ZFHX3: variants seen among roughly 807,000 people sequenced by gnomAD.
The protein encoded by ZFHX3 is zinc finger homeobox 3.
ZFHX3 carries 42 observed loss-of-function variants against 279.1 expected under a neutral mutation model. The ratio of observed to expected loss-of-function variants is 0.15; its 90% CI spans 0.12 to 0.19. The LOEUF (loss-of-function observed/expected upper bound fraction) is 0.19. Ranked by LOEUF, ZFHX3 falls within the 10% of genes least tolerant of loss-of-function variation. ZFHX3 has a pLI of 1.00. For synonymous variants in ZFHX3, 2,293 were observed against 1,957.8 expected (o/e 1.17, Z -4.52); for missense variants, 4,981 against 4,754.0 (o/e 1.05, Z -1.40).
intron 1 of ZFHX3, among the ~76,000 whole-genome samples, chr16:73,683,351 T>C (rs1309026067): frequency 6.6e-6 from 1 of 152,160 alleles, no homozygotes. Context: ...TACTGATAAA[T>C]AAAATTAATC....
intron 1 of ZFHX3, among the ~76,000 whole-genome samples, chr16:73,847,419 G>A (rs370235349): frequency 6.6e-6 from 1 of 152,204 alleles, no homozygotes; most frequent in African/African-American, 2.4e-5. Flanking sequence ...ATTCCCATGA[G>A]AGGCTTGCTG....
At chr16:73,728,599 G>A (rs1282881514) in intron 1 of ZFHX3, among the ~76,000 whole-genome samples, 1 of 152,108 alleles carries the variant, frequency 6.6e-6, no homozygotes, top group African/African-American at 2.4e-5. Flanking sequence ...TGGTGGCCAT[G>A]TTGTTCAATT....
chr16:73,059,176 A>G (rs967772133), exon 1 of ZFHX3: 2 of 150,402 alleles, frequency 1.3e-5, no homozygotes, highest in African/African-American at 4.9e-5. Flanking sequence ...AGCAAAAAAG[A>G]AAAGGGGGAG....
intron 3 of ZFHX3, among the ~76,000 whole-genome samples, chr16:73,338,212 G>A (rs2015955081): frequency 6.6e-6 from 1 of 152,046 alleles, no homozygotes; most frequent in South Asian, 2.1e-4. Context: ...CCTCAGCCCT[G>A]CCTAGCAATC....
intron 3 of ZFHX3, among the ~76,000 whole-genome samples, chr16:73,324,679 G>C (rs2015645215): frequency 6.6e-6 from 1 of 152,216 alleles, no homozygotes; most frequent in African/African-American, 2.4e-5. Flanking sequence ...CTTTGGTCAA[G>C]GGAGTATTAG....
chr16:73,789,813 G>A (rs1036906148), intron 1 of ZFHX3, among the ~76,000 whole-genome samples: 1 of 152,108 alleles, frequency 6.6e-6, no homozygotes, highest in African/African-American at 2.4e-5. Context: ...CATAACCACT[G>A]AGGTTTTATT....
chr16:73,777,122 G>A (rs1959275224), intron 1 of ZFHX3, among the ~76,000 whole-genome samples: 1 of 152,078 alleles, frequency 6.6e-6, no homozygotes, highest in Admixed American at 6.5e-5. Context: ...TAATTGCTGT[G>A]GTCCTGCCAC....
intron 4 of ZFHX3, among the ~76,000 whole-genome samples, chr16:73,279,860 A>C (rs943394578): frequency 3.3e-5 from 5 of 152,224 alleles, no homozygotes; most frequent in African/African-American, 1.2e-4. Flanking sequence ...AAAAGTACCT[A>C]AGATGCTCTT....
At chr16:73,352,973 G>A (rs1227786592) in intron 3 of ZFHX3, among the ~76,000 whole-genome samples, 1 of 152,164 alleles carries the variant, frequency 6.6e-6, no homozygotes, top group South Asian at 2.1e-4. Context: ...TGGTCCAGGG[G>A]TAGAGAGTTG....
chr16:73,772,374 C>T (rs948919595), intron 1 of ZFHX3, among the ~76,000 whole-genome samples: 3 of 152,158 alleles, frequency 2.0e-5, no homozygotes, highest in Admixed American at 1.3e-4. Flanking sequence ...GATAAACTCC[C>T]CCTCATAAAA....
chr16:73,728,025 C>CT (rs1555535411), intron 1 of ZFHX3, among the ~76,000 whole-genome samples: 1 of 113,524 alleles, frequency 8.8e-6, no homozygotes, highest in Non-Finnish European at 1.8e-5. Context: ...GCCCCCCCCC[C>CT]GCCCCCAATA....
chr16:73,645,081 T>C (rs1259762254), intron 2 of ZFHX3, among the ~76,000 whole-genome samples: 2 of 152,196 alleles, frequency 1.3e-5, no homozygotes, highest in African/African-American at 4.8e-5. Context: ...GAGCATCTCA[T>C]GGGACTTACA....
intron 3 of ZFHX3, among the ~76,000 whole-genome samples, chr16:72,905,792 G>A (rs1359592490): frequency 6.6e-6 from 1 of 152,218 alleles, no homozygotes; most frequent in African/African-American, 2.4e-5. Context: ...AAGACAGCTT[G>A]TCTACAGCTC....
chr16:73,156,702 C>T (rs1967092772), intron 5 of ZFHX3, among the ~76,000 whole-genome samples: 1 of 149,804 alleles, frequency 6.7e-6, no homozygotes. Context: ...ACTATAGGCA[C>T]ACATCACCAT....
chr16:73,568,661 G>C (rs918111084), intron 2 of ZFHX3, among the ~76,000 whole-genome samples: 2 of 152,166 alleles, frequency 1.3e-5, no homozygotes, highest in Non-Finnish European at 2.9e-5. Flanking sequence ...AAGTCCAGGT[G>C]AGTCCCATTC....
At chr16:73,398,043 C>T (rs1274208335) in intron 3 of ZFHX3, among the ~76,000 whole-genome samples, 1 of 152,168 alleles carries the variant, frequency 6.6e-6, no homozygotes, top group Non-Finnish European at 1.5e-5. Context: ...TGGGGTTTCA[C>T]CACGCTGGCC....
chr16:72,870,162 C>T (rs546372927), intron 4 of ZFHX3, among the ~76,000 whole-genome samples: 35 of 152,076 alleles, frequency 2.3e-4, no homozygotes, highest in Admixed American at 1.9e-3. Context: ...GAGGCCAAAG[C>T]GGGCAGATTG....
chr16:72,946,362 T>G (rs1960676393), intron 3 of ZFHX3, among the ~76,000 whole-genome samples: 1 of 152,134 alleles, frequency 6.6e-6, no homozygotes, highest in Non-Finnish European at 1.5e-5. Flanking sequence ...TATTTAAGAT[T>G]AACAGGTAAC....
intron 2 of ZFHX3, among the ~76,000 whole-genome samples, chr16:73,596,047 G>C (rs2052046644): frequency 6.8e-6 from 1 of 146,314 alleles, no homozygotes; most frequent in Non-Finnish European, 1.5e-5. Flanking sequence ...TTGAGACAGA[G>C]TCTGGCTCTG....
Sources: allele counts gnomAD v4.1 joint callset (sites outside exome capture counted in the v4.1 genomes callset), GRCh38; gene constraint gnomAD v4.1.1; transcripts MANE v1.5; gene names NCBI Gene and HGNC (gene_info 2026-07-23, HGNC 2026-07-21).